The following CIMAP2 variants were observed in gnomAD, a reference collection of about 807,000 sequenced individuals.
CIMAP2 encodes the protein ciliary microtubule associated protein 2.
the CIMAP2 span, among the ~76,000 whole-genome samples, chr1:54,809,720 A>G: frequency 1.3e-5 from 2 of 152,222 alleles, no homozygotes; most frequent in Non-Finnish European, 2.9e-5. Flanking sequence ...TGTGGAGACC[A>G]AGGCCTGGGT....
the CIMAP2 span, among the ~76,000 whole-genome samples, chr1:54,819,825 TC>T: frequency 1.5e-5 from 1 of 68,294 alleles, no homozygotes; most frequent in Admixed American, 1.6e-4. Context: ...TCTTTCTTTC[TC>T]TTTCTTTCTT....
chr1:54,811,765 G>GCCGGGGGGGGGCGCCCCCCCCCC, the CIMAP2 span: 2 of 1,301,322 alleles, frequency 1.5e-6, no homozygotes, highest in Non-Finnish European at 1.1e-6. Context: ...GGTTCTGACA[G>GCCGGGGGGGGGCGCCCCCCCCCC]CCTCCATGCC....
the CIMAP2 span, chr1:54,807,229 TC>T: frequency 2.1e-6 from 2 of 935,300 alleles, no homozygotes; most frequent in Non-Finnish European, 1.7e-6. Context: ...AGTGGGGGCT[TC>T]CAGTGTGTTT....
At chr1:54,826,215 G>T in the CIMAP2 span, among the ~76,000 whole-genome samples, 1 of 152,152 alleles carries the variant, frequency 6.6e-6, no homozygotes, top group Non-Finnish European at 1.5e-5. Flanking sequence ...ACTGGAAGAG[G>T]TAGTGTTGCT....
At chr1:54,807,774 C>T in the CIMAP2 span, 2 of 1,508,802 alleles carry the variant, frequency 1.3e-6, no homozygotes, top group Non-Finnish European at 1.8e-6. Flanking sequence ...CCTTCAGTGT[C>T]CTCCCAAGGC....
At chr1:54,822,950 T>C in the CIMAP2 span, among the ~76,000 whole-genome samples, 6 of 152,338 alleles carry the variant, frequency 3.9e-5, no homozygotes, top group African/African-American at 1.4e-4. Context: ...TGGTATGATT[T>C]TGATTTTTAA....
the CIMAP2 span, among the ~76,000 whole-genome samples, chr1:54,824,820 G>C: frequency 2.0e-5 from 3 of 151,378 alleles, no homozygotes; most frequent in Non-Finnish European, 2.9e-5. Context: ...GTTTTCTCTT[G>C]TATCTCATTG....
the CIMAP2 span, chr1:54,814,857 C>T: frequency 6.2e-7 from 1 of 1,609,448 alleles, no homozygotes; most frequent in Non-Finnish European, 8.5e-7. Context: ...CTGCCCTGGG[C>T]CCAGGCTGAC....
chr1:54,814,846 C>A, the CIMAP2 span: 3 of 1,603,386 alleles, frequency 1.9e-6, no homozygotes, highest in Admixed American at 1.7e-5. Context: ...AGAGCCCTCA[C>A]CTGCCCTGGG....
chr1:54,833,988 T>TC, the CIMAP2 span, among the ~76,000 whole-genome samples: 1 of 152,100 alleles, frequency 6.6e-6, no homozygotes, highest in African/African-American at 2.4e-5. Context: ...CAGGCGTGCA[T>TC]CACCACAGCC....
chr1:54,822,043 C>T, the CIMAP2 span, among the ~76,000 whole-genome samples: 5 of 138,000 alleles, frequency 3.6e-5, 1 homozygote, highest in Non-Finnish European at 6.4e-5. Context: ...GGACTACAGG[C>T]GCCCACCACT....
At chr1:54,815,262 C>T in the CIMAP2 span, among the ~76,000 whole-genome samples, 21 of 152,338 alleles carry the variant, frequency 1.4e-4, no homozygotes, top group African/African-American at 4.8e-4. Flanking sequence ...CTTGTTAAAA[C>T]ACAGATGGCT....
At chr1:54,815,967 T>G in the CIMAP2 span, among the ~76,000 whole-genome samples, 1 of 152,116 alleles carries the variant, frequency 6.6e-6, no homozygotes, top group African/African-American at 2.4e-5. Context: ...CAGTGACTGA[T>G]TCTTGTGAGG....
At chr1:54,825,226 G>GT in the CIMAP2 span, among the ~76,000 whole-genome samples, 5 of 151,038 alleles carry the variant, frequency 3.3e-5, no homozygotes, top group Admixed American at 6.6e-5. Flanking sequence ...AATTTTTTCT[G>GT]TTTTTTAGTA....
At chr1:54,811,765 GCCTCCAT>G in the CIMAP2 span, 2 of 1,301,332 alleles carry the variant, frequency 1.5e-6, no homozygotes, top group Non-Finnish European at 2.2e-6. Context: ...GGTTCTGACA[GCCTCCAT>G]GCCCCCACCC....
the CIMAP2 span, among the ~76,000 whole-genome samples, chr1:54,827,705 G>A: frequency 0.01 from 1,531 of 152,270 alleles, 28 homozygotes; most frequent in African/African-American, 0.035. Context: ...TGCCCCTATC[G>A]ATGCTGTTTT....
the CIMAP2 span, among the ~76,000 whole-genome samples, chr1:54,815,512 C>T: frequency 2.0e-5 from 3 of 152,130 alleles, no homozygotes; most frequent in Non-Finnish European, 2.9e-5. Context: ...GTGCATTTCC[C>T]GTCCCTCACT....
At chr1:54,829,393 C>T in the CIMAP2 span, among the ~76,000 whole-genome samples, 2 of 152,232 alleles carry the variant, frequency 1.3e-5, no homozygotes, top group Non-Finnish European at 2.9e-5. Flanking sequence ...CTGTGGGTGT[C>T]AGACTGTTAG....
the CIMAP2 span, among the ~76,000 whole-genome samples, chr1:54,830,383 C>T: frequency 1.1e-4 from 17 of 152,150 alleles, no homozygotes; most frequent in East Asian, 1.9e-4. This position sits in a 1 kb window ranked among gnomAD's most constrained non-coding sequence, Gnocchi z 4.1. Context: ...CCACCACACT[C>T]GGCTAATTTT....
Sources: gnomAD v4.1 joint callset for allele counts (sites outside exome capture counted in the v4.1 genomes callset) on GRCh38, gnomAD v4.1.1 for gene constraint, Gnocchi (gnomAD v3.1) non-coding constraint, MANE v1.5 for transcripts, NCBI Gene and HGNC (gene_info 2026-07-23, HGNC 2026-07-21) for gene names.